Variants in PARM1 observed in about 807,000 individuals in gnomAD.
PARM1 encodes prostate androgen-regulated mucin-like protein 1.
Under a neutral mutation model 24.6 loss-of-function variants are expected in PARM1, and 14 were observed. The ratio of observed to expected loss-of-function variants is 0.57; its 90% confidence interval spans 0.38 to 0.89. The LOEUF (loss-of-function observed/expected upper bound fraction) is 0.89. PARM1 is among the 40% of genes least tolerant of loss of function. PARM1 has a pLI of 0.00. For missense variants in PARM1, 362 were observed against 380.4 expected, an observed-to-expected ratio of 0.95 and a Z score of 0.40; for synonymous variants, 179 against 156.6, an observed-to-expected ratio of 1.14 and a Z score of -1.07.
chr4:75,010,943 A>G (rs1177028916), intron 1 of PARM1, among the ~76,000 whole-genome samples: 2 of 152,226 alleles, frequency 1.3e-5, no homozygotes, highest in African/African-American at 2.4e-5. Flanking sequence ...CAGCACCAGC[A>G]TCTACTCAGC....
At chr4:74,972,497 C>G (rs935794399) in intron 1 of PARM1, among the ~76,000 whole-genome samples, 1 of 152,082 alleles carries the variant, frequency 6.6e-6, no homozygotes, top group African/African-American at 2.4e-5. Flanking sequence ...AAATCTTTAC[C>G]TTTTTAAACA....
chr4:74,934,355 C>T (rs1334921809), intron 1 of PARM1, among the ~76,000 whole-genome samples: 1 of 152,186 alleles, frequency 6.6e-6, no homozygotes, highest in Non-Finnish European at 1.5e-5. Context: ...AGTCACATAG[C>T]GCAAACCGAT....
At chr4:74,994,834 A>G (rs1022646769) in intron 1 of PARM1, among the ~76,000 whole-genome samples, 3 of 147,358 alleles carry the variant, frequency 2.0e-5, no homozygotes, top group Non-Finnish European at 4.5e-5. Flanking sequence ...ATAAATAAAT[A>G]AATGGCAATG....
At chr4:75,032,555 A>T (rs1479161925) in intron 2 of PARM1, among the ~76,000 whole-genome samples, 1 of 152,202 alleles carries the variant, frequency 6.6e-6, no homozygotes, top group African/African-American at 2.4e-5. Flanking sequence ...GAGACCTAGT[A>T]CACAAGATAT....
chr4:75,022,420 G>A (rs28444240), intron 2 of PARM1, among the ~76,000 whole-genome samples: 10,079 of 152,138 alleles, frequency 0.066, 1,142 homozygotes, highest in African/African-American at 0.23. Flanking sequence ...CTTTTGAAAT[G>A]TTTCCAAAAT....
chr4:74,933,224 G>A lies in PARM1; in HGVS notation c.-104G>A. The A allele has an allele frequency of 7.1e-6, 7 of 989,524 alleles. No homozygotes were observed. Among genetic ancestry groups the A allele is most frequent in the South Asian group, 1.4e-5 (1 of 69,508 alleles). 61.3% of individuals were successfully genotyped at this position (989,524 alleles called of 1,614,324 possible). A position where few individuals can be genotyped will look rare whatever the true frequency, so the allele number is the denominator to read the frequency against. ...CTGTTCGCGCCTCCCGGCTCCCACC[G>A]CAGCCCACCCGGCAGAGGAGTCGCT... On this transcript the variant is annotated 5_prime_UTR_variant, in exon 1 of 4. Transcript: ENST00000307428.
intron 2 of PARM1, among the ~76,000 whole-genome samples, chr4:75,020,501 C>A (rs528793397): frequency 6.6e-6 from 1 of 150,860 alleles, no homozygotes; most frequent in Non-Finnish European, 1.5e-5. Context: ...TTCCCCCCCC[C>A]CGCACCCATC....
chr4:74,959,544 C>T (rs560143268), intron 1 of PARM1, among the ~76,000 whole-genome samples: 19 of 152,302 alleles, frequency 1.2e-4, no homozygotes, highest in African/African-American at 4.6e-4. Flanking sequence ...TCAAGTAAAT[C>T]CCAAGTAATC....
At chr4:74,938,422 A>G (rs1457179284) in intron 1 of PARM1, among the ~76,000 whole-genome samples, 4 of 152,242 alleles carry the variant, frequency 2.6e-5, no homozygotes, top group Admixed American at 1.3e-4. Context: ...ACATTAGTTT[A>G]TAAATCAAAC....
At chr4:74,950,390 C>G (rs530044752) in intron 1 of PARM1, among the ~76,000 whole-genome samples, 1 of 152,178 alleles carries the variant, frequency 6.6e-6, no homozygotes, top group Non-Finnish European at 1.5e-5. Context: ...TGCATCACTT[C>G]AATCTCCACC....
intron 1 of PARM1, among the ~76,000 whole-genome samples, chr4:74,994,632 A>C (rs557542834): frequency 1.6e-4 from 24 of 152,130 alleles, no homozygotes; most frequent in Admixed American, 9.2e-4. Flanking sequence ...AACATAGTGA[A>C]ACCCTGTCTC....
At chr4:74,957,440 C>T (rs1269322715) in intron 1 of PARM1, 2 of 152,176 alleles carry the variant, frequency 1.3e-5, no homozygotes, top group Non-Finnish European at 2.9e-5. Context: ...ATCCTAATTA[C>T]AGGAGGTCTT....
chr4:75,002,453 G>T (rs1363330995), intron 1 of PARM1, among the ~76,000 whole-genome samples: 1 of 151,764 alleles, frequency 6.6e-6, no homozygotes, highest in Non-Finnish European at 1.5e-5. Flanking sequence ...AGTCCCATGA[G>T]AATTTTTTTT....
intron 1 of PARM1, among the ~76,000 whole-genome samples, chr4:74,962,699 C>G (rs1174438589): frequency 2.0e-5 from 3 of 151,984 alleles, no homozygotes; most frequent in Non-Finnish European, 4.4e-5. Flanking sequence ...ATTTGAGGCA[C>G]CTAAAGTAGT....
chr4:74,969,034 T>A (rs1721967602), intron 1 of PARM1, among the ~76,000 whole-genome samples: 2 of 152,202 alleles, frequency 1.3e-5, no homozygotes, highest in Admixed American at 1.3e-4. Context: ...AGAACCAGAA[T>A]GGACTAAATA....
intron 1 of PARM1, among the ~76,000 whole-genome samples, chr4:75,004,344 G>A (rs1722733744): frequency 6.6e-6 from 1 of 152,238 alleles, no homozygotes; most frequent in African/African-American, 2.4e-5. Flanking sequence ...GAAAGACTAT[G>A]GCTCAACATG....
intron 1 of PARM1, among the ~76,000 whole-genome samples, chr4:74,960,956 G>A (rs1409486164): frequency 6.6e-6 from 1 of 150,710 alleles, no homozygotes; most frequent in Non-Finnish European, 1.5e-5. Context: ...AGTGAGCCAA[G>A]ATTGCGCCAC....
At position 74,942,352 on chromosome 4, in the gene PARM1, G is replaced by A. The variant is rs113398764; in HGVS notation, c.43+8982G>A. On this transcript the variant is annotated intron_variant, in intron 1 of 3. Transcript: ENST00000307428. Reference sequence around the variant, plus strand: ...CAAGGCTCTGGATATACATTAATGAGCAATGACAAAACTCTACCCTCAGGG... The same window carrying A: ...CAAGGCTCTGGATATACATTAATGAACAATGACAAAACTCTACCCTCAGGG... Among the ~76,000 whole-genome samples the A allele has an allele frequency of 2.4e-3, 368 of 152,350 alleles. 1 individual carries two copies. The highest frequency in any genetic ancestry group is 8.3e-3 in the African/African-American group (347 of 41,584).
intron 1 of PARM1, among the ~76,000 whole-genome samples, chr4:74,976,227 T>C (rs543922655): frequency 8.1e-4 from 123 of 152,288 alleles, no homozygotes; most frequent in African/African-American, 2.9e-3. Context: ...AGAGGGGTGA[T>C]GACCATCACT....
Sources: gnomAD v4.1 joint callset for allele counts (sites outside exome capture counted in the v4.1 genomes callset) on GRCh38, gnomAD v4.1.1 for gene constraint, MANE v1.5 for transcripts, NCBI Gene and HGNC (gene_info 2026-07-23, HGNC 2026-07-21) for gene names.